ADAMTSL1: variants seen among roughly 807,000 people sequenced by gnomAD.
The protein encoded by ADAMTSL1 is ADAMTS like 1.
A neutral mutation model predicts 201.8 loss-of-function variants in ADAMTSL1; 126 were observed. The observed-to-expected ratio is 0.62, with a 90% CI of 0.54 to 0.72. ADAMTSL1 has a LOEUF of 0.72. Ranked by LOEUF, ADAMTSL1 falls within the 30% of genes least tolerant of loss-of-function variation. The pLI is 0.00. For missense variants in ADAMTSL1, 2,679 were observed against 2,277.8 expected, an observed-to-expected ratio of 1.18 and a Z score of -3.59; for synonymous variants, 1,121 against 903.4, an observed-to-expected ratio of 1.24 and a Z score of -4.32.
intron 8 of ADAMTSL1, among the ~76,000 whole-genome samples, chr9:18,661,511 A>G (rs888631536): frequency 1.3e-5 from 2 of 152,108 alleles, no homozygotes; most frequent in Non-Finnish European, 2.9e-5. Context: ...TTGTTTATCT[A>G]TTTGGGAGTT....
At chr9:18,323,584 A>C (rs1056079873) in intron 2 of ADAMTSL1, among the ~76,000 whole-genome samples, 14 of 152,218 alleles carry the variant, frequency 9.2e-5, no homozygotes, top group Non-Finnish European at 1.9e-4. Context: ...CTCTTTATTG[A>C]CAGACAGCAT....
At chr9:18,607,587 AT>A (rs779568629) in intron 4 of ADAMTSL1, among the ~76,000 whole-genome samples, 9,202 of 151,986 alleles carry the variant, frequency 0.061, 405 homozygotes, top group East Asian at 0.13. Context: ...TATTATTATT[AT>A]TATTATGCTT....
In ADAMTSL1 at chr9:18,826,266, T is replaced by C. The variant is rs772715488; in HGVS notation, c.3935-18T>C. The C allele has an allele frequency of 3.8e-6, 6 of 1,577,356 alleles. No individual in the cohort carries two copies. Among genetic ancestry groups the C allele is most frequent in the Non-Finnish European group, 5.2e-6 (6 of 1,156,836 alleles). ...TGACTGATGAGTGGGGTTTTTTGTT[T>C]TTTTTTTTTCTTCCTAGGAGTGCCT... On this transcript the variant is annotated intron_variant, in intron 21 of 28. Coordinates refer to ENST00000380548, the MANE Select transcript of ADAMTSL1 (RefSeq NM_001040272.6).
At chr9:18,069,021 A>C (rs548094175) in intron 1 of ADAMTSL1, among the ~76,000 whole-genome samples, 1 of 152,348 alleles carries the variant, frequency 6.6e-6, no homozygotes, top group East Asian at 1.9e-4. Flanking sequence ...ACAGAACAGC[A>C]TGTGTAAAGA....
chr9:18,880,990 C>A (rs894926705), intron 23 of ADAMTSL1, among the ~76,000 whole-genome samples: 1 of 152,206 alleles, frequency 6.6e-6, no homozygotes, highest in Non-Finnish European at 1.5e-5. Context: ...TATGAACCAA[C>A]CTCTGCTAGC....
intron 23 of ADAMTSL1, among the ~76,000 whole-genome samples, chr9:18,830,250 C>G (rs796450222): frequency 1.1e-4 from 16 of 152,246 alleles, no homozygotes; most frequent in African/African-American, 3.9e-4. Flanking sequence ...TCCAGATCCT[C>G]TCAATCAGAT....
Position 18,624,309 on chromosome 9 carries a change from T to A in ADAMTSL1, c.601+1940T>A, listed in dbSNP as rs1055841278. On this transcript the variant is annotated intron_variant, in intron 5 of 28. Coordinates refer to ENST00000380548, the MANE Select transcript of ADAMTSL1 (RefSeq NM_001040272.6). ...TGGGTTGGTAGCTTCTTCCATAAGATGAAAAATTTCTAAAGTTAGAAGATG... is the reference window on the plus strand; with the variant it reads ...TGGGTTGGTAGCTTCTTCCATAAGAAGAAAAATTTCTAAAGTTAGAAGATG... Among the ~76,000 whole-genome samples, 3 of 152,170 alleles carry A rather than the reference T, an allele frequency of 2.0e-5. No homozygotes were observed. The East Asian group carries it at 5.8e-4, about 29-fold the overall frequency.
At chr9:17,990,019 C>G (rs1003276176) in intron 1 of ADAMTSL1, among the ~76,000 whole-genome samples, 1 of 149,450 alleles carries the variant, frequency 6.7e-6, no homozygotes, top group Non-Finnish European at 1.5e-5. Context: ...TAGGGCAAAA[C>G]AAACATTGAA....
At chr9:18,885,935 T>G (rs988018566) in intron 23 of ADAMTSL1, among the ~76,000 whole-genome samples, 5 of 151,672 alleles carry the variant, frequency 3.3e-5, no homozygotes, top group African/African-American at 1.2e-4. Flanking sequence ...AACTAGATGA[T>G]TTCTAGGGAT....
intron 21 of ADAMTSL1, among the ~76,000 whole-genome samples, chr9:18,824,079 AG>A (rs1824385254): frequency 6.6e-6 from 1 of 152,078 alleles, no homozygotes; most frequent in Non-Finnish European, 1.5e-5. Context: ...AAAGAGGAAA[AG>A]GGTTTGCAGG....
intron 1 of ADAMTSL1, among the ~76,000 whole-genome samples, chr9:18,500,321 A>G (rs575575161): frequency 6.6e-6 from 1 of 152,252 alleles, no homozygotes; most frequent in African/African-American, 2.4e-5. Flanking sequence ...TGATGGATGT[A>G]GGAGAGCTCT....
intron 23 of ADAMTSL1, among the ~76,000 whole-genome samples, chr9:18,851,644 A>G (rs1388943425): frequency 6.6e-6 from 1 of 152,148 alleles, no homozygotes; most frequent in Non-Finnish European, 1.5e-5. Context: ...ATACATTGGA[A>G]TGATCCCATG....
At chr9:18,491,227 C>T (rs1401014815) in intron 1 of ADAMTSL1, among the ~76,000 whole-genome samples, 2 of 152,156 alleles carry the variant, frequency 1.3e-5, no homozygotes, top group Non-Finnish European at 2.9e-5. Flanking sequence ...AAAAAGATGC[C>T]TGTGGTGTGC....
intron 2 of ADAMTSL1, among the ~76,000 whole-genome samples, chr9:18,519,714 A>C (rs1043038934): frequency 5.3e-5 from 8 of 152,234 alleles, no homozygotes; most frequent in African/African-American, 1.4e-4. Flanking sequence ...TGCAAATTGG[A>C]AAACATTATA....
At chr9:18,214,994 T>G (rs1471350622) in intron 2 of ADAMTSL1, among the ~76,000 whole-genome samples, 2 of 152,174 alleles carry the variant, frequency 1.3e-5, no homozygotes, top group South Asian at 4.2e-4. Flanking sequence ...TTGGTTTTCT[T>G]TATAACTCAG....
intron 13 of ADAMTSL1, among the ~76,000 whole-genome samples, chr9:18,690,497 C>T (rs928898931): frequency 1.1e-4 from 16 of 152,002 alleles, no homozygotes; most frequent in African/African-American, 3.1e-4. Flanking sequence ...GAATCTCAGG[C>T]CACAGAAAAG....
At chr9:18,233,036 C>T (rs1476598342) in intron 2 of ADAMTSL1, among the ~76,000 whole-genome samples, 1 of 152,118 alleles carries the variant, frequency 6.6e-6, no homozygotes. Context: ...CTCTACATCT[C>T]ATCTAGGAAA....
chr9:17,932,177 A>C lies in ADAMTSL1; in HGVS notation c.87+25255A>C, dbSNP rs141950416. Among the ~76,000 whole-genome samples the C allele has an allele frequency of 4.4e-3, 671 of 152,306 alleles. 6 individuals are homozygous for C. Among genetic ancestry groups the C allele is most frequent in the African/African-American group, 0.016 (651 of 41,582 alleles). On this transcript the variant is annotated intron_variant, in intron 1 of 29. Coordinates refer to the ADAMTSL1 transcript ENST00000680146. Reference sequence around the variant, plus strand: ...GATTTCGGGAGCCTCTCAGCCAACCATGGGCTCAAGCAGTGCTCCTTTCTT... The same window carrying C: ...GATTTCGGGAGCCTCTCAGCCAACCCTGGGCTCAAGCAGTGCTCCTTTCTT...
intron 2 of ADAMTSL1, among the ~76,000 whole-genome samples, chr9:18,415,367 C>A (rs1403977360): frequency 6.6e-6 from 1 of 152,002 alleles, no homozygotes; most frequent in African/African-American, 2.4e-5. Flanking sequence ...TAAAAAACAA[C>A]AAATCAAACT....
Sources: allele counts gnomAD v4.1 joint callset (sites outside exome capture counted in the v4.1 genomes callset), GRCh38; gene constraint gnomAD v4.1.1; transcripts MANE v1.5; gene names NCBI Gene and HGNC (gene_info 2026-07-23, HGNC 2026-07-21).